Variants in RGPD2 observed in about 807,000 individuals in gnomAD.
RGPD2 encodes RANBP2 like and GRIP domain containing 2, also known as RANBP2-like and GRIP domain-containing protein 2.
A neutral mutation model predicts 36.0 loss-of-function variants in RGPD2; 2 were observed. That is an observed-to-expected ratio of 0.06 (90% CI 0.02 to 0.17). The LOEUF is 0.17. Among genes scored for constraint, RGPD2 ranks in the 10% least tolerant of loss-of-function variants. RGPD2 has a pLI of 1.00. For synonymous variants in RGPD2, 19 were observed against 163.8 expected, an observed-to-expected ratio of 0.12 and a Z score of 6.75; for missense variants, 40 against 464.3, an observed-to-expected ratio of 0.09 and a Z score of 8.40.
the RGPD2 span, among the ~76,000 whole-genome samples, chr2:87,971,861 AT>A: frequency 6.6e-6 from 1 of 152,186 alleles, no homozygotes; most frequent in Non-Finnish European, 1.5e-5. Flanking sequence ...AAGAGTAATA[AT>A]AATCTGCTGA....
At chr2:87,876,281 C>A in the RGPD2 span, among the ~76,000 whole-genome samples, 2 of 145,214 alleles carry the variant, frequency 1.4e-5, no homozygotes, top group South Asian at 4.4e-4. Context: ...TTTGTTTGCT[C>A]TTGATTCTCT....
the RGPD2 span, among the ~76,000 whole-genome samples, chr2:87,988,033 T>C: frequency 6.6e-6 from 1 of 152,068 alleles, no homozygotes; most frequent in Non-Finnish European, 1.5e-5. Flanking sequence ...TGGAATACCA[T>C]TTACCAGCAG....
At chr2:87,758,287 GGTTT>G (rs1197822754) in intron 22 of RGPD2, among the ~76,000 whole-genome samples, 1 of 114,268 alleles carries the variant, frequency 8.8e-6, no homozygotes, top group Non-Finnish European at 1.8e-5. Flanking sequence ...TTCCTCAAAT[GGTTT>G]TTTTTATTAG....
At chr2:87,961,281 C>T in the RGPD2 span, among the ~76,000 whole-genome samples, 1 of 152,214 alleles carries the variant, frequency 6.6e-6, no homozygotes, top group African/African-American at 2.4e-5. Flanking sequence ...CGCCTGAAAG[C>T]CACTGACGTA....
At chr2:87,930,624 G>T in the RGPD2 span, among the ~76,000 whole-genome samples, 1 of 151,410 alleles carries the variant, frequency 6.6e-6, no homozygotes, top group Non-Finnish European at 1.5e-5. Flanking sequence ...TTTTGGAATT[G>T]TCTCAGCAGA....
At chr2:87,923,177 A>G in the RGPD2 span, among the ~76,000 whole-genome samples, 1 of 152,070 alleles carries the variant, frequency 6.6e-6, no homozygotes, top group Non-Finnish European at 1.5e-5. Flanking sequence ...AGGGCAGGAG[A>G]ATGAGAAAAA....
chr2:87,825,485 C>T (rs1415472222), intron 1 of RGPD2, among the ~76,000 whole-genome samples, 173 bp downstream of exon 1: 6 of 84,698 alleles, frequency 7.1e-5, no homozygotes, highest in South Asian at 4.3e-4. Context: ...GTCGCCGCCG[C>T]CGCCGCCCGG....
the RGPD2 span, among the ~76,000 whole-genome samples, chr2:87,849,416 C>T: frequency 6.6e-4 from 101 of 152,320 alleles, no homozygotes; most frequent in African/African-American, 2.3e-3. Context: ...TTACTACTCA[C>T]TCCAGGAAAT....
chr2:87,957,602 T>C, the RGPD2 span, among the ~76,000 whole-genome samples: 2 of 152,158 alleles, frequency 1.3e-5, no homozygotes, highest in African/African-American at 4.8e-5. Context: ...TTCATGAAGA[T>C]TCCACTCTCA....
the RGPD2 span, among the ~76,000 whole-genome samples, chr2:87,845,964 AATTTG>A: frequency 0.037 from 5,467 of 147,560 alleles, no homozygotes; most frequent in East Asian, 0.073. Context: ...TAATGATTAA[AATTTG>A]ATTTATGTTC....
At chr2:87,809,429 G>A (rs2104341397) in intron 6 of RGPD2, among the ~76,000 whole-genome samples, 1 of 144,870 alleles carries the variant, frequency 6.9e-6, no homozygotes, top group Admixed American at 7.0e-5. Flanking sequence ...AACACTTTGG[G>A]AGGCCGAGGA....
At chr2:87,893,389 T>A in the RGPD2 span, among the ~76,000 whole-genome samples, 1 of 147,500 alleles carries the variant, frequency 6.8e-6, no homozygotes, top group Non-Finnish European at 1.5e-5. Flanking sequence ...CTTTTGACAT[T>A]CTCTGGTCTT....
intron 6 of RGPD2, among the ~76,000 whole-genome samples, chr2:87,809,301 T>C (rs1218323630): frequency 1.3e-5 from 2 of 149,392 alleles, no homozygotes; most frequent in African/African-American, 4.9e-5. Context: ...CGAGACTCCG[T>C]CTCAAAAAAA....
chr2:87,905,201 G>A, the RGPD2 span, among the ~76,000 whole-genome samples: 1 of 152,250 alleles, frequency 6.6e-6, no homozygotes, highest in African/African-American at 2.4e-5. Context: ...AATTTTGTAA[G>A]AGGTGCAGCC....
the RGPD2 span, among the ~76,000 whole-genome samples, chr2:87,943,532 G>T: frequency 3.3e-5 from 5 of 151,432 alleles, no homozygotes; most frequent in Non-Finnish European, 7.4e-5. Flanking sequence ...GTATACTCTG[G>T]ATATCAGTTC....
At chr2:87,934,496 G>C in the RGPD2 span, among the ~76,000 whole-genome samples, 2 of 143,198 alleles carry the variant, frequency 1.4e-5, no homozygotes, top group Non-Finnish European at 3.1e-5. Flanking sequence ...TACCACCAAC[G>C]GTTACATGGT....
upstream of RGPD2, among the ~76,000 whole-genome samples, chr2:87,826,202 C>A (rs1686806349): frequency 1.3e-5 from 2 of 152,016 alleles, no homozygotes; most frequent in Admixed American, 1.3e-4. Flanking sequence ...GAACACACAG[C>A]TAGTAAATGG....
chr2:87,809,753 A>G (rs1318047004), intron 6 of RGPD2, among the ~76,000 whole-genome samples: 6 of 151,264 alleles, frequency 4.0e-5, no homozygotes, highest in African/African-American at 1.5e-4. Flanking sequence ...CCCCCAAGTC[A>G]CCCCCTCATG....
At chr2:87,852,768 T>C in the RGPD2 span, among the ~76,000 whole-genome samples, 2 of 152,302 alleles carry the variant, frequency 1.3e-5, no homozygotes, top group Admixed American at 6.5e-5. Context: ...TCTGATGGCA[T>C]GTCACCTTAT....
Sources: gnomAD v4.1 joint callset for allele counts (sites outside exome capture counted in the v4.1 genomes callset) on GRCh38, gnomAD v4.1.1 for gene constraint, MANE v1.5 for transcripts, NCBI Gene and HGNC (gene_info 2026-07-23, HGNC 2026-07-21) for gene names.